Variants in CNKSR3 observed in about 807,000 individuals in gnomAD.
CNKSR3 encodes the protein CNKSR family member 3, also known as connector enhancer of kinase suppressor of ras 3.
Under a neutral mutation model 67.7 loss-of-function variants are expected in CNKSR3, and 36 were observed. The observed-to-expected ratio is 0.53, with a 90% CI of 0.41 to 0.70. CNKSR3 has a LOEUF of 0.70. Among genes scored for constraint, CNKSR3 ranks in the 30% least tolerant of loss-of-function variants. CNKSR3 has a pLI of 0.00. For synonymous variants in CNKSR3, 281 were observed against 271.4 expected (o/e 1.04, Z -0.35); for missense variants, 630 against 695.2 (o/e 0.91, Z 1.05).
At chr6:154,503,941 T>C (rs892006632) in intron 1 of CNKSR3, among the ~76,000 whole-genome samples, 1 of 152,200 alleles carries the variant, frequency 6.6e-6, no homozygotes, top group African/African-American at 2.4e-5. Context: ...TGCAGCTACG[T>C]GCTAGAACAG....
rs149122810 is a variant in CNKSR3, at chr6:154,453,598, A to G, written c.53-3340T>C. 5.3e-5 allele frequency among the ~76,000 whole-genome samples: 8 copies of G among 152,356 alleles called. No individual in the cohort carries two copies. In the East Asian group the frequency reaches 1.5e-3, roughly 29 times the overall value. ...GACTTTGTCCTCAAGGCACACATAT[A>G]TTGAATATGCTAGGTTTTAAATAGT... On this transcript the variant is annotated intron_variant, in intron 1 of 12. Transcript: ENST00000607772.
chr6:154,490,405 G>GTA (rs1031864608), intron 1 of CNKSR3, among the ~76,000 whole-genome samples: 3 of 152,086 alleles, frequency 2.0e-5, no homozygotes, highest in African/African-American at 4.8e-5. Context: ...ATGTATCTAA[G>GTA]TATATATATC....
intron 1 of CNKSR3, among the ~76,000 whole-genome samples, chr6:154,507,518 T>C (rs1351432978): frequency 1.3e-5 from 2 of 152,242 alleles, no homozygotes; most frequent in East Asian, 3.8e-4. Flanking sequence ...CTTTTGTAAG[T>C]CGATAGTTCA....
At chr6:154,472,607 T>C (rs181402736) in intron 1 of CNKSR3, among the ~76,000 whole-genome samples, 2 of 152,182 alleles carry the variant, frequency 1.3e-5, no homozygotes, top group East Asian at 3.9e-4. Flanking sequence ...ACAAACCCCA[T>C]GAAAACAAAA....
Position 154,411,001 on chromosome 6 carries a change from C to T in CNKSR3, c.1212G>A (p.Gln404=). The T allele has an allele frequency of 6.2e-7, 1 of 1,614,134 alleles. No individual in the cohort carries two copies. Among genetic ancestry groups the T allele is most frequent in the Non-Finnish European group, 8.5e-7 (1 of 1,180,028 alleles). The change falls in exon 11 of 13, where the codon CAG becomes CAA. Residue 404 remains glutamine (Q), a synonymous_variant. Coordinates refer to ENST00000607772, the MANE Select transcript of CNKSR3 (RefSeq NM_173515.4). ...TGGTTTCCACCGAGTACCCAGGCAA[C>T]TGATCCGAGTCTGCAATGGTGAATC... is the stretch of plus-strand genomic sequence containing the variant. ...RRRFTIADSD[Q]LPGYSVETNI...
intron 1 of CNKSR3, among the ~76,000 whole-genome samples, chr6:154,463,315 G>A (rs1053136927): frequency 4.0e-5 from 6 of 151,718 alleles, no homozygotes; most frequent in Middle Eastern, 3.2e-3. Flanking sequence ...CCTTGTGATC[G>A]GCCCGCCTCG....
At chr6:154,414,034 C>T (rs906584561) in intron 10 of CNKSR3, among the ~76,000 whole-genome samples, 5 of 152,082 alleles carry the variant, frequency 3.3e-5, no homozygotes, top group African/African-American at 7.2e-5. Flanking sequence ...CAGGTGTGAG[C>T]GACCACACCT....
At chr6:154,415,986 G>A (rs1305261999) in intron 9 of CNKSR3, among the ~76,000 whole-genome samples, 1 of 152,218 alleles carries the variant, frequency 6.6e-6, no homozygotes, top group East Asian at 1.9e-4. Context: ...GACATAAAAA[G>A]GTACCCTTAG....
chr6:154,427,127 C>G (rs1785272656), intron 7 of CNKSR3, among the ~76,000 whole-genome samples: 1 of 152,198 alleles, frequency 6.6e-6, no homozygotes, highest in African/African-American at 2.4e-5. Context: ...CATTTCCTAC[C>G]CATTCATCTG....
At chr6:154,464,363 C>T (rs927388238) in intron 1 of CNKSR3, among the ~76,000 whole-genome samples, 12 of 152,134 alleles carry the variant, frequency 7.9e-5, no homozygotes, top group Non-Finnish European at 5.9e-5. Context: ...ATTCTACTCT[C>T]GGAAACATTC....
intron 1 of CNKSR3, among the ~76,000 whole-genome samples, chr6:154,495,307 T>C (rs996912698): frequency 2.0e-5 from 3 of 152,004 alleles, no homozygotes; most frequent in Non-Finnish European, 4.4e-5. Flanking sequence ...TATCTGTAAA[T>C]TGTGCTCACT....
At chr6:154,450,968 C>G (rs892034665) in intron 1 of CNKSR3, among the ~76,000 whole-genome samples, 13 of 152,216 alleles carry the variant, frequency 8.5e-5, no homozygotes, top group Admixed American at 2.6e-4. Context: ...AAAGATACTT[C>G]TAGCCCTAGA....
intron 9 of CNKSR3, among the ~76,000 whole-genome samples, chr6:154,418,761 C>T (rs9384214): frequency 0.61 from 92,510 of 151,990 alleles, 28,717 homozygotes; most frequent in African/African-American, 0.7. Context: ...GGGCAATGAT[C>T]TTTTGGCTCT....
At chr6:154,435,381 C>T (rs1785450688) in intron 4 of CNKSR3, among the ~76,000 whole-genome samples, 1 of 152,142 alleles carries the variant, frequency 6.6e-6, no homozygotes, top group East Asian at 1.9e-4. Flanking sequence ...CACCAGAGCC[C>T]AAGAACAAGG....
At chr6:154,417,461 A>T (rs1484986128) in intron 9 of CNKSR3, among the ~76,000 whole-genome samples, 1 of 151,966 alleles carries the variant, frequency 6.6e-6, no homozygotes, top group Non-Finnish European at 1.5e-5. Flanking sequence ...TCACTGAATC[A>T]CCCATCACCA....
At chr6:154,509,230 C>T (rs1031198430) in intron 1 of CNKSR3, among the ~76,000 whole-genome samples, 1 of 151,962 alleles carries the variant, frequency 6.6e-6, no homozygotes, top group East Asian at 1.9e-4. Context: ...ACCTTTCCCT[C>T]GAAATCGTAG....
rs1784707471 is a variant in CNKSR3, at chr6:154,400,738, T to C, written c.*5616A>G. On this transcript the variant is annotated 3_prime_UTR_variant, in exon 13 of 13. Transcript: ENST00000607772. ...GGCCCTCTAGCAGGTCTGAACATGA[T>C]GTAATCACTTTTTCCTTTACTTATG... The C allele has an allele frequency of 6.6e-6, 1 of 152,228 alleles. No homozygotes were observed. The highest frequency in any genetic ancestry group is 2.1e-4 in the South Asian group (1 of 4,830). 9.4% of individuals were successfully genotyped at this position (152,228 alleles called of 1,614,324 possible). A position where few individuals can be genotyped will look rare whatever the true frequency, so the allele number is the denominator to read the frequency against.
intron 1 of CNKSR3, among the ~76,000 whole-genome samples, chr6:154,479,766 T>G (rs1320007825): frequency 6.6e-6 from 1 of 152,260 alleles, no homozygotes; most frequent in Non-Finnish European, 1.5e-5. Flanking sequence ...ACGTGAGCTT[T>G]TAACTTTTTT....
intron 1 of CNKSR3, among the ~76,000 whole-genome samples, chr6:154,454,916 C>G (rs1785919845): frequency 6.6e-6 from 1 of 152,074 alleles, no homozygotes; most frequent in Non-Finnish European, 1.5e-5. Context: ...TATGTTATTA[C>G]CTTTCCCAGA....
Sources: allele counts gnomAD v4.1 joint callset (sites outside exome capture counted in the v4.1 genomes callset), GRCh38; gene constraint gnomAD v4.1.1; transcripts MANE v1.5; gene names NCBI Gene and HGNC (gene_info 2026-07-23, HGNC 2026-07-21).